Variants in PRDM16 observed in about 807,000 individuals in gnomAD.
The protein encoded by PRDM16 is PR/SET domain 16, also known as histone-lysine N-methyltransferase PRDM16.
In PRDM16, 23 loss-of-function variants were observed where a neutral mutation model predicts 110.6. The observed-to-expected ratio is 0.21, with a 90% CI of 0.15 to 0.29. The LOEUF (loss-of-function observed/expected upper bound fraction) is 0.29, where lower values mean the gene tolerates loss of function less well. Among genes scored for constraint, PRDM16 ranks in the 10% least tolerant of loss-of-function variants. PRDM16 has a pLI of 1.00. For synonymous variants in PRDM16, 799 were observed against 781.8 expected (o/e 1.02, Z -0.37); for missense variants, 1,615 against 1,794.3 (o/e 0.90, Z 1.81).
chr1:3,171,026 G>A (rs1223294459), intron 1 of PRDM16, among the ~76,000 whole-genome samples: 2 of 152,230 alleles, frequency 1.3e-5, no homozygotes, highest in South Asian at 2.1e-4. Flanking sequence ...CTAAGGGAAG[G>A]CTGGGATAGG....
rs1189565559 is a variant in PRDM16 at position 3,157,583 on chromosome 1, C to T, written c.38-28542C>T. ...AAGAGACTGTAGGTTACAGAGAAGTCATGGGTGGGGAATTACAGGGAAAGT... is the reference window on the plus strand; with the variant it reads ...AAGAGACTGTAGGTTACAGAGAAGTTATGGGTGGGGAATTACAGGGAAAGT... On this transcript the variant is annotated intron_variant, in intron 1 of 16. Coordinates refer to ENST00000270722, the MANE Select transcript of PRDM16 (RefSeq NM_022114.4). The surrounding 1 kb of genome is among the most constrained non-coding windows in gnomAD (Gnocchi z 4.8). Among the ~76,000 whole-genome samples, 1 of 152,118 alleles carries T rather than the reference C, an allele frequency of 6.6e-6. No individual in the cohort carries two copies. Among genetic ancestry groups the T allele is most frequent in the Non-Finnish European group, 1.5e-5 (1 of 68,034 alleles).
intron 3 of PRDM16, among the ~76,000 whole-genome samples, chr1:3,361,551 C>T (rs935838843): frequency 2.0e-5 from 3 of 152,260 alleles, no homozygotes; most frequent in Non-Finnish European, 2.9e-5. Flanking sequence ...ACATCCTACC[C>T]AGCTGGAACC....
At chr1:3,365,375 G>A (rs971418717) in intron 3 of PRDM16, among the ~76,000 whole-genome samples, 5 of 152,232 alleles carry the variant, frequency 3.3e-5, no homozygotes, top group African/African-American at 1.2e-4. Context: ...TCAGGAAGAG[G>A]AAAGGCGCGT....
At chr1:3,095,436 TG>T (rs1198531149) in intron 1 of PRDM16, among the ~76,000 whole-genome samples, 2 of 151,672 alleles carry the variant, frequency 1.3e-5, no homozygotes, top group Non-Finnish European at 2.9e-5. Context: ...CCTCCTGGGG[TG>T]GGGGGCACTC....
chr1:3,233,799 T>C (rs1484031273), intron 2 of PRDM16, among the ~76,000 whole-genome samples: 4 of 150,876 alleles, frequency 2.7e-5, no homozygotes, highest in East Asian at 3.9e-4. Flanking sequence ...CTTGGTGCAT[T>C]CTTGCGTCTC....
chr1:3,301,609 C>G (rs1276665496), intron 3 of PRDM16, among the ~76,000 whole-genome samples: 1 of 152,216 alleles, frequency 6.6e-6, no homozygotes, highest in African/African-American at 2.4e-5. Context: ...TAAGACCCAA[C>G]TACAGACTGT....
At position 3,412,662 on chromosome 1, in the gene PRDM16, C is replaced by G; in HGVS notation, c.2465C>G (p.Pro822Arg). The part of the protein sequence containing the change: ...RASQNGGGRE[P>R]RKNHVYGERK... ...AGCCAAAACGGCGGCGGGCGGGAGC[C>G]CCGCAAGAACCACGTCTATGGGGAA... The change falls in exon 9 of 17, where the codon CCC (proline) becomes CGC (arginine). Residue 822 changes from proline to arginine, a missense_variant. Around this residue, in one of 5 missense-constraint regions of PRDM16, gnomAD observed 772 missense variants for 748.3 expected, o/e 1.03. Coordinates refer to ENST00000270722, the MANE Select transcript of PRDM16 (RefSeq NM_022114.4). The G allele has an allele frequency of 6.6e-7, 1 of 1,525,988 alleles. No individual in the cohort carries two copies. The highest frequency in any genetic ancestry group is 1.4e-5 in the African/African-American group (1 of 72,106). 94.5% of individuals were successfully genotyped at this position (1,525,988 alleles called of 1,614,324 possible). A position where few individuals can be genotyped will look rare whatever the true frequency, so the allele number is the denominator to read the frequency against.
chr1:3,327,617 C>G (rs553479184), intron 3 of PRDM16, among the ~76,000 whole-genome samples: 1 of 152,372 alleles, frequency 6.6e-6, no homozygotes, highest in East Asian at 1.9e-4. Context: ...ACATCTGGGC[C>G]AGAAGCTGAG....
In PRDM16 at chr1:3,301,063, G is replaced by T. The variant is rs570553603; in HGVS notation, c.438+56926G>T. Among the ~76,000 whole-genome samples the T allele has an allele frequency of 8.5e-5, 13 of 152,308 alleles. No individual in the cohort carries two copies. In the South Asian group the frequency reaches 2.7e-3, roughly 32 times the overall value. On this transcript the variant is annotated intron_variant, in intron 3 of 16. Coordinates refer to ENST00000270722, the MANE Select transcript of PRDM16 (RefSeq NM_022114.4). The stretch of plus-strand genomic sequence containing the variant: ...AGAAATGTTTGGGCCGGGCACAGTG[G>T]CTCATACCTGTAATCCCAACACTTT...
At chr1:3,228,266 G>A (rs772276828) in intron 2 of PRDM16, among the ~76,000 whole-genome samples, 1 of 152,222 alleles carries the variant, frequency 6.6e-6, no homozygotes, top group Non-Finnish European at 1.5e-5. Flanking sequence ...CGCGATAAAC[G>A]AGACGCCTTG....
In PRDM16 at chr1:3,342,513, G is replaced by A. The variant is rs528456813; in HGVS notation, c.439-42639G>A. ...GGCAGTCTGGCCTCAGAGCCCCCATGCCTGTATGATGTGTGATATATACGG... is the reference window on the plus strand; with the variant it reads ...GGCAGTCTGGCCTCAGAGCCCCCATACCTGTATGATGTGTGATATATACGG... On this transcript the variant is annotated intron_variant, in intron 3 of 16. Coordinates refer to ENST00000270722, the MANE Select transcript of PRDM16 (RefSeq NM_022114.4). Among the ~76,000 whole-genome samples, 11 of 152,342 alleles carry A rather than the reference G, an allele frequency of 7.2e-5. No individual in the cohort carries two copies. In the South Asian group the frequency reaches 2.3e-3, roughly 32 times the overall value.
At position 3,070,492 on chromosome 1, in the gene PRDM16, C is replaced by T. The variant is rs1470452587; in HGVS notation, c.37+1196C>T. Among the ~76,000 whole-genome samples, 5 of 150,058 alleles carry T rather than the reference C, an allele frequency of 3.3e-5. No individual in the cohort carries two copies. In the East Asian group the frequency reaches 7.8e-4, roughly 23 times the overall value. On this transcript the variant is annotated intron_variant, in intron 1 of 16. Coordinates refer to ENST00000270722, the MANE Select transcript of PRDM16 (RefSeq NM_022114.4). ...GCGAAGCGGCCAGCGCCGCGCGGAG[C>T]GGAATCGGCGCCGCCTGCTCCCGCC...
intron 3 of PRDM16, among the ~76,000 whole-genome samples, chr1:3,315,899 C>T (rs907630348): frequency 5.9e-5 from 9 of 152,020 alleles, no homozygotes; most frequent in Non-Finnish European, 1.2e-4. Flanking sequence ...CAAAGAGATG[C>T]GTTGCCCGAG....
intron 1 of PRDM16, among the ~76,000 whole-genome samples, chr1:3,111,138 C>T (rs926102293): frequency 2.6e-5 from 4 of 152,146 alleles, no homozygotes; most frequent in Non-Finnish European, 4.4e-5. Flanking sequence ...CCAGGGCAGG[C>T]CCCTAGGACC....
intron 3 of PRDM16, among the ~76,000 whole-genome samples, chr1:3,263,229 G>A (rs151028312): frequency 1.4e-3 from 215 of 152,306 alleles, no homozygotes; most frequent in African/African-American, 4.9e-3. Context: ...TGAGAACACG[G>A]TGAGCTGAGG....
intron 1 of PRDM16, among the ~76,000 whole-genome samples, chr1:3,185,374 T>C (rs765386230): frequency 9.9e-5 from 15 of 152,242 alleles, no homozygotes; most frequent in Admixed American, 3.3e-4. Context: ...TCCTAGCCTG[T>C]GTCGAGATCA....
intron 1 of PRDM16, among the ~76,000 whole-genome samples, chr1:3,084,630 G>A (rs1032858797): frequency 1.3e-5 from 2 of 152,202 alleles, no homozygotes; most frequent in South Asian, 2.1e-4. Context: ...GGGAGGCACC[G>A]TCCATTCTGC....
chr1:3,233,400 G>A (rs1639463056), intron 2 of PRDM16, among the ~76,000 whole-genome samples: 1 of 152,238 alleles, frequency 6.6e-6, no homozygotes, highest in Non-Finnish European at 1.5e-5. Context: ...GTGATTGGGG[G>A]AAGGCACAGC....
At chr1:3,289,059 G>T (rs1640916187) in intron 3 of PRDM16, among the ~76,000 whole-genome samples, 1 of 152,342 alleles carries the variant, frequency 6.6e-6, no homozygotes, top group African/African-American at 2.4e-5. Context: ...AAGACCCCAA[G>T]CCCTGCAGAG....
Sources: gnomAD v4.1 joint callset for allele counts (sites outside exome capture counted in the v4.1 genomes callset) on GRCh38, gnomAD v4.1.1 for gene constraint, gnomAD v4.1.1 regional missense constraint, Gnocchi (gnomAD v3.1) non-coding constraint, MANE v1.5 for transcripts, NCBI Gene and HGNC (gene_info 2026-07-23, HGNC 2026-07-21) for gene names.